Variants in ASTN2 observed in about 807,000 individuals in gnomAD.
ASTN2 encodes astrotactin-2.
Under a neutral mutation model 139.8 loss-of-function variants are expected in ASTN2, and 54 were observed. The observed-to-expected ratio is 0.39, with a 90% confidence interval of 0.31 to 0.48. The LOEUF (loss-of-function observed/expected upper bound fraction) is 0.48, where lower values mean the gene tolerates loss of function less well. ASTN2 is among the 20% of genes least tolerant of loss of function. The pLI is 0.95. For missense variants in ASTN2, 1,565 were observed against 1,725.1 expected, an observed-to-expected ratio of 0.91 and a Z score of 1.64; for synonymous variants, 756 against 719.5, an observed-to-expected ratio of 1.05 and a Z score of -0.81.
At chr9:116,911,002 G>C (rs536968430) in intron 10 of ASTN2, among the ~76,000 whole-genome samples, 1 of 152,160 alleles carries the variant, frequency 6.6e-6, no homozygotes, top group Non-Finnish European at 1.5e-5. Context: ...CCTTATAACA[G>C]GTATTCAAGT....
intron 1 of ASTN2, among the ~76,000 whole-genome samples, chr9:117,391,729 T>A (rs1207301114): frequency 6.6e-6 from 1 of 152,160 alleles, no homozygotes; most frequent in Non-Finnish European, 1.5e-5. Flanking sequence ...CATTTCAGCA[T>A]TAACTCAAAA....
At chr9:117,372,073 A>T (rs1830004591) in intron 1 of ASTN2, among the ~76,000 whole-genome samples, 1 of 152,148 alleles carries the variant, frequency 6.6e-6, no homozygotes, top group Admixed American at 6.6e-5. Context: ...TACTTGGCAA[A>T]GTAGATACTG....
chr9:116,942,080 AC>A, intron 10 of ASTN2, among the ~76,000 whole-genome samples: 1 of 35,306 alleles, frequency 2.8e-5, no homozygotes, highest in Middle Eastern at 0.02. Context: ...AAGTGCACGT[AC>A]GCACGCACGC....
intron 12 of ASTN2, among the ~76,000 whole-genome samples, chr9:116,815,126 T>C (rs1469001355): frequency 6.6e-6 from 1 of 152,178 alleles, no homozygotes; most frequent in Non-Finnish European, 1.5e-5. Flanking sequence ...TCCCACCAAC[T>C]CTTCCACTTG....
chr9:116,685,706 A>T (rs1860160477), intron 16 of ASTN2, among the ~76,000 whole-genome samples: 1 of 152,306 alleles, frequency 6.6e-6, no homozygotes, highest in East Asian at 1.9e-4. Context: ...TGTGAGAGGT[A>T]TAATAATTCA....
chr9:116,662,257 C>A (rs1307064564), intron 16 of ASTN2, among the ~76,000 whole-genome samples: 1 of 151,964 alleles, frequency 6.6e-6, no homozygotes, highest in Non-Finnish European at 1.5e-5. Context: ...CGAATATCAC[C>A]GACAATATAA....
At chr9:117,135,557 C>T (rs573197757) in intron 4 of ASTN2, among the ~76,000 whole-genome samples, 5 of 152,344 alleles carry the variant, frequency 3.3e-5, no homozygotes, top group Non-Finnish European at 7.3e-5. Flanking sequence ...GTTAGGCATT[C>T]ATTCTACAGA....
intron 16 of ASTN2, among the ~76,000 whole-genome samples, chr9:116,678,968 G>A (rs1050396739): frequency 6.6e-6 from 1 of 152,194 alleles, no homozygotes; most frequent in Non-Finnish European, 1.5e-5. Flanking sequence ...TGATTTTCAT[G>A]TAATGTTAAA....
chr9:116,874,941 G>A (rs765125311), intron 10 of ASTN2, among the ~76,000 whole-genome samples: 2 of 152,112 alleles, frequency 1.3e-5, no homozygotes, highest in Non-Finnish European at 2.9e-5. Context: ...GGTTTGGGGA[G>A]CCCTCATTGC....
chr9:117,138,357 C>T (rs753971895), intron 4 of ASTN2, among the ~76,000 whole-genome samples: 46 of 152,034 alleles, frequency 3.0e-4, no homozygotes, highest in Admixed American at 2.0e-4. Flanking sequence ...AAGAAAGAGG[C>T]ATGGCAAGGA....
chr9:116,823,988 T>C (rs552006825), intron 11 of ASTN2, among the ~76,000 whole-genome samples: 1 of 152,336 alleles, frequency 6.6e-6, no homozygotes, highest in South Asian at 2.1e-4. Flanking sequence ...GTAAATGTTA[T>C]AATAGTATGG....
chr9:117,195,232 T>C (rs1452569010), intron 3 of ASTN2, among the ~76,000 whole-genome samples: 1 of 152,248 alleles, frequency 6.6e-6, no homozygotes, highest in East Asian at 1.9e-4. Context: ...AGATTTAAAC[T>C]GAGATCAGAA....
At chr9:117,135,100 G>A (rs751976915) in intron 4 of ASTN2, among the ~76,000 whole-genome samples, 42 of 152,204 alleles carry the variant, frequency 2.8e-4, no homozygotes, top group Non-Finnish European at 5.0e-4. Flanking sequence ...GAAGCTGCAC[G>A]TACTTCCTTC....
intron 16 of ASTN2, among the ~76,000 whole-genome samples, chr9:116,679,307 G>C (rs57816386): frequency 0.14 from 21,411 of 151,958 alleles, 1,592 homozygotes; most frequent in Middle Eastern, 0.2. Context: ...TAATCTTTTA[G>C]ATATTAAATC....
chr9:116,802,091 T>C (rs948800906), intron 13 of ASTN2, among the ~76,000 whole-genome samples: 5 of 90,568 alleles, frequency 5.5e-5, no homozygotes, highest in Admixed American at 1.3e-4. Context: ...TTCTTTTTTT[T>C]TTTTTTTTTT....
intron 10 of ASTN2, among the ~76,000 whole-genome samples, chr9:116,942,086 G>A (rs1564351919): frequency 7.4e-6 from 1 of 135,266 alleles, no homozygotes; most frequent in Non-Finnish European, 1.5e-5. Flanking sequence ...ACGTACGCAC[G>A]CACGCACACA....
chr9:117,365,800 G>A (rs1829828717), intron 1 of ASTN2, among the ~76,000 whole-genome samples: 1 of 152,236 alleles, frequency 6.6e-6, no homozygotes, highest in Non-Finnish European at 1.5e-5. Flanking sequence ...TTTGCCAAGG[G>A]TGAAGGCAGC....
At chr9:116,458,016 C>T (rs932640837) in intron 20 of ASTN2, among the ~76,000 whole-genome samples, 12 of 151,682 alleles carry the variant, frequency 7.9e-5, no homozygotes, top group Middle Eastern at 3.4e-3. Context: ...AGTATTCAGC[C>T]ATTAAAAAAA....
intron 3 of ASTN2, among the ~76,000 whole-genome samples, chr9:117,175,840 A>G (rs1055974114): frequency 1.3e-5 from 2 of 152,222 alleles, no homozygotes; most frequent in Non-Finnish European, 2.9e-5. Context: ...ATTCACAAAA[A>G]GTATAAACTA....
Sources: allele counts gnomAD v4.1 joint callset (sites outside exome capture counted in the v4.1 genomes callset), GRCh38; gene constraint gnomAD v4.1.1; transcripts MANE v1.5; gene names NCBI Gene and HGNC (gene_info 2026-07-23, HGNC 2026-07-21).